The following ABHD18 variants were observed in gnomAD, a reference collection of about 807,000 sequenced individuals.
ABHD18 encodes abhydrolase domain containing 18.
ABHD18 carries 55 observed loss-of-function variants against 65.9 expected under a neutral mutation model. That is an observed-to-expected ratio of 0.84 (90% CI 0.67 to 1.05). The LOEUF (loss-of-function observed/expected upper bound fraction) is 1.05, where lower values mean the gene tolerates loss of function less well. ABHD18 is among the 50% of genes least tolerant of loss of function. The probability of loss-of-function intolerance (pLI) is 0.00; values close to 1 mark genes in which losing one functional copy is unlikely to be tolerated. For missense variants in ABHD18, 533 were observed against 558.5 expected (o/e 0.95, Z 0.46); for synonymous variants, 181 against 180.2 (o/e 1.00, Z -0.04).
chr4:127,968,929 TA>T (rs1368313799), intron 1 of ABHD18, among the ~76,000 whole-genome samples: 1 of 152,142 alleles, frequency 6.6e-6, no homozygotes, highest in East Asian at 1.9e-4. Context: ...TAGAAAGACT[TA>T]CGTGTTTAGA....
rs918970345 is a variant in ABHD18, at chr4:128,029,962, C to T, written c.1181-548C>T. On this transcript the variant is annotated intron_variant, in intron 11 of 12. Coordinates refer to ENST00000645843, the MANE Select transcript of ABHD18 (RefSeq NM_001358451.3). ...TGATTGCACCACTGCACCCTAGCCT[C>T]GGTGACAAAGTGAAACTCTTATCTC... Among the ~76,000 whole-genome samples, 11 of 152,178 alleles carry T rather than the reference C, an allele frequency of 7.2e-5. No homozygotes were observed. In the South Asian group the frequency reaches 8.3e-4, roughly 11 times the overall value.
rs562213137 is a variant in ABHD18 at position 128,023,604 on chromosome 4, G to A, written c.801+2366G>A. Among the ~76,000 whole-genome samples the A allele has an allele frequency of 2.0e-4, 30 of 151,456 alleles. No individual in the cohort carries two copies. In the East Asian group the frequency reaches 5.8e-3, roughly 29 times the overall value. On this transcript the variant is annotated intron_variant, in intron 10 of 12. Coordinates refer to ENST00000645843, the MANE Select transcript of ABHD18 (RefSeq NM_001358451.3). ...TTCTCTTAAAAAAAAAAAAAAGGCTGGGCGCAATGGCTCACCCTGTAATCC... is the reference window on the plus strand; with the variant it reads ...TTCTCTTAAAAAAAAAAAAAAGGCTAGGCGCAATGGCTCACCCTGTAATCC...
At chr4:128,016,796 T>C (rs777734453) in intron 7 of ABHD18, among the ~76,000 whole-genome samples, 4 of 152,210 alleles carry the variant, frequency 2.6e-5, no homozygotes, top group Non-Finnish European at 5.9e-5. Flanking sequence ...TAAAAAGTTA[T>C]GCTTTAAATT....
At position 128,001,570 on chromosome 4, in the gene ABHD18, G is replaced by A. The variant is rs78193195; in HGVS notation, c.279-7350G>A. The A allele has an allele frequency of 1.5e-3, 1,057 of 705,860 alleles. 11 individuals are homozygous for A. The African/African-American group carries it at 0.018, about 12-fold the overall frequency. The allele number at this position is 705,860 out of a possible 1,614,324, so 43.7% of individuals were successfully genotyped here. ...TTTTTTCATTGAGGTTCTGTAGATA[G>A]TAAATTTTCTGAGTTATTTATATGT... On this transcript the variant is annotated intron_variant, in intron 4 of 12. Transcript: ENST00000645843.
intron 7 of ABHD18, among the ~76,000 whole-genome samples, chr4:128,016,156 A>G (rs1307563209): frequency 6.6e-6 from 1 of 151,608 alleles, no homozygotes; most frequent in Non-Finnish European, 1.5e-5. Context: ...GTTTTATCCT[A>G]TTGGTCAGGC....
chr4:128,008,149 C>T (rs868476787), intron 4 of ABHD18, among the ~76,000 whole-genome samples: 1 of 151,428 alleles, frequency 6.6e-6, no homozygotes, highest in Non-Finnish European at 1.5e-5. Flanking sequence ...GTACTCCTAG[C>T]TACTCAGGAG....
At chr4:127,967,060 ATTTTC>A (rs1253392115) in intron 1 of ABHD18, among the ~76,000 whole-genome samples, 1 of 152,030 alleles carries the variant, frequency 6.6e-6, no homozygotes, top group African/African-American at 2.4e-5. Context: ...AAAAGTTAGT[ATTTTC>A]TTGCCATAAT....
At chr4:128,018,970 C>T (rs886922346) in intron 8 of ABHD18, among the ~76,000 whole-genome samples, 17 of 145,606 alleles carry the variant, frequency 1.2e-4, no homozygotes, top group African/African-American at 1.3e-4. Flanking sequence ...GCTGAGATCG[C>T]ACCACTGCAC....
chr4:128,004,922 A>C (rs1347719795), intron 4 of ABHD18, among the ~76,000 whole-genome samples: 2 of 147,414 alleles, frequency 1.4e-5, no homozygotes, highest in Admixed American at 6.8e-5. Context: ...AAAACAAAAC[A>C]AAACAAAACA....
At chr4:127,974,349 C>T (rs943012105) in intron 1 of ABHD18, among the ~76,000 whole-genome samples, 3 of 150,880 alleles carry the variant, frequency 2.0e-5, no homozygotes, top group Non-Finnish European at 3.0e-5. Flanking sequence ...AGGCGCACAC[C>T]ACTATGGACC....
At chr4:127,977,547 T>C (rs1445764791) in intron 1 of ABHD18, among the ~76,000 whole-genome samples, 2 of 152,196 alleles carry the variant, frequency 1.3e-5, no homozygotes, top group Admixed American at 6.5e-5. Flanking sequence ...GTAATACAGA[T>C]TGAAAAGCTT....
At chr4:128,026,546 C>CAA (rs1360314315) in intron 10 of ABHD18, among the ~76,000 whole-genome samples, 1 of 151,174 alleles carries the variant, frequency 6.6e-6, no homozygotes, top group African/African-American at 2.4e-5. Context: ...TCTGGGCTTT[C>CAA]AAAAAAATTA....
chr4:127,995,797 C>G (rs1751639323), intron 4 of ABHD18, among the ~76,000 whole-genome samples: 1 of 152,118 alleles, frequency 6.6e-6, no homozygotes, highest in Non-Finnish European at 1.5e-5. Flanking sequence ...AAAAATCATT[C>G]TTACTGTCTT....
rs1750632333 is a variant in ABHD18 at position 127,989,860 on chromosome 4, T to C, written c.278+39T>C. The C allele has an allele frequency of 2.4e-6, 3 of 1,248,640 alleles. No individual in the cohort carries two copies. In the South Asian group the frequency reaches 4.3e-5, roughly 18 times the overall value. 77.3% of individuals were successfully genotyped at this position (1,248,640 alleles called of 1,614,324 possible). Reference sequence around the variant, plus strand: ...TGTTCAAAAAGATGAATACATTATTTATGTTCATTAAAATTATAATATCAA... The same window carrying C: ...TGTTCAAAAAGATGAATACATTATTCATGTTCATTAAAATTATAATATCAA... On this transcript the variant is annotated intron_variant, in intron 4 of 12. Transcript: ENST00000645843.
intron 4 of ABHD18, among the ~76,000 whole-genome samples, chr4:127,990,390 C>G (rs1750707384): frequency 1.3e-5 from 2 of 152,022 alleles, no homozygotes; most frequent in Non-Finnish European, 2.9e-5. Context: ...TGGCGAAACC[C>G]CATCTCTACT....
At chr4:128,011,366 T>A (rs1348692910) in intron 6 of ABHD18, among the ~76,000 whole-genome samples, 9 of 152,018 alleles carry the variant, frequency 5.9e-5, no homozygotes, top group Non-Finnish European at 2.9e-5. Flanking sequence ...GCCAGGATGG[T>A]CTCGATCTCC....
chr4:128,006,046 T>G (rs781255331), intron 4 of ABHD18, among the ~76,000 whole-genome samples: 2 of 152,226 alleles, frequency 1.3e-5, no homozygotes, highest in African/African-American at 2.4e-5. Context: ...ATTTGGCTTA[T>G]GCTTGACCCA....
chr4:128,018,580 A>G (rs1755910467), intron 8 of ABHD18, among the ~76,000 whole-genome samples: 1 of 152,158 alleles, frequency 6.6e-6, no homozygotes, highest in Non-Finnish European at 1.5e-5. Context: ...TTGAGACTGC[A>G]GTGAGCTGTG....
At chr4:127,991,385 G>A (rs1750893313) in intron 4 of ABHD18, among the ~76,000 whole-genome samples, 1 of 151,950 alleles carries the variant, frequency 6.6e-6, no homozygotes, top group Non-Finnish European at 1.5e-5. Context: ...CACCACACCT[G>A]GCTAATTTTT....
Sources: gnomAD v4.1 joint callset for allele counts (sites outside exome capture counted in the v4.1 genomes callset) on GRCh38, gnomAD v4.1.1 for gene constraint, MANE v1.5 for transcripts, NCBI Gene and HGNC (gene_info 2026-07-23, HGNC 2026-07-21) for gene names.